The following TENM3 variants were observed in gnomAD, a reference collection of about 807,000 sequenced individuals.
TENM3 encodes teneurin-3.
In TENM3, 63 loss-of-function variants were observed where a neutral mutation model predicts 255.1. That is an observed-to-expected ratio of 0.25 (90% CI 0.20 to 0.30). The LOEUF (loss-of-function observed/expected upper bound fraction) is 0.30, where lower values mean the gene tolerates loss of function less well. Among genes scored for constraint, TENM3 ranks in the 10% least tolerant of loss-of-function variants. The probability of loss-of-function intolerance (pLI) is 1.00; values close to 1 mark genes in which losing one functional copy is unlikely to be tolerated. For synonymous variants in TENM3, 1,306 were observed against 1,322.3 expected (o/e 0.99, Z 0.27); for missense variants, 2,929 against 3,461.1 (o/e 0.85, Z 3.86).
chr4:182,015,079 A>G, the TENM3 span, among the ~76,000 whole-genome samples: 1 of 152,216 alleles, frequency 6.6e-6, no homozygotes. Flanking sequence ...CCTATTTTCA[A>G]AAGTGAATTT....
intron 1 of TENM3, among the ~76,000 whole-genome samples, chr4:182,278,236 G>T (rs113560257): frequency 1.3e-5 from 2 of 151,994 alleles, no homozygotes; most frequent in African/African-American, 4.8e-5. Context: ...GTGTGGTGGC[G>T]CATGCCTGTA....
the TENM3 span, among the ~76,000 whole-genome samples, chr4:181,783,269 G>T: frequency 6.6e-6 from 1 of 152,068 alleles, no homozygotes; most frequent in Non-Finnish European, 1.5e-5. Flanking sequence ...TCTCTTTGTA[G>T]GTCTCTGAGG....
chr4:182,585,373 G>A (rs1745912264), intron 3 of TENM3, among the ~76,000 whole-genome samples: 2 of 152,266 alleles, frequency 1.3e-5, no homozygotes, highest in Admixed American at 1.3e-4. Context: ...TGTTGACGCT[G>A]TAATCCCCTA....
At chr4:181,718,166 G>A in the TENM3 span, among the ~76,000 whole-genome samples, 1 of 152,140 alleles carries the variant, frequency 6.6e-6, no homozygotes, top group African/African-American at 2.4e-5. Flanking sequence ...TTAGTGAGGA[G>A]TATAAAAGAA....
At chr4:182,285,160 C>T (rs1173385400) in intron 1 of TENM3, among the ~76,000 whole-genome samples, 1 of 151,884 alleles carries the variant, frequency 6.6e-6, no homozygotes, top group African/African-American at 2.4e-5. Flanking sequence ...TGCACTTCTC[C>T]CTTGTGGTTT....
the TENM3 span, among the ~76,000 whole-genome samples, chr4:181,505,038 G>A: frequency 6.6e-6 from 1 of 152,112 alleles, no homozygotes; most frequent in Non-Finnish European, 1.5e-5. Context: ...GTGTGGGCCG[G>A]GCAGATGGCA....
intron 3 of TENM3, among the ~76,000 whole-genome samples, chr4:182,369,448 G>T (rs1340842233): frequency 1.3e-5 from 2 of 152,214 alleles, no homozygotes; most frequent in African/African-American, 4.8e-5. Context: ...GACAGTAGTA[G>T]ACTGTAGGTC....
chr4:181,505,600 G>C, the TENM3 span, among the ~76,000 whole-genome samples: 2 of 151,938 alleles, frequency 1.3e-5, no homozygotes, highest in African/African-American at 4.8e-5. Context: ...TTTATTTCTA[G>C]CGAACTTTGT....
the TENM3 span, among the ~76,000 whole-genome samples, chr4:181,811,149 T>G: frequency 6.6e-6 from 1 of 152,212 alleles, no homozygotes. Context: ...CATATGAATA[T>G]GCACTACAGA....
At chr4:181,784,460 T>C in the TENM3 span, among the ~76,000 whole-genome samples, 1 of 152,092 alleles carries the variant, frequency 6.6e-6, no homozygotes, top group African/African-American at 2.4e-5. Flanking sequence ...AGAATTTTAT[T>C]TATAGTTTCT....
intron 7 of TENM3, among the ~76,000 whole-genome samples, chr4:182,673,485 A>G (rs904119285): frequency 1.3e-5 from 2 of 152,358 alleles, no homozygotes; most frequent in African/African-American, 4.8e-5. Context: ...TCATCTGAGC[A>G]CCCAGTAAAA....
intron 3 of TENM3, among the ~76,000 whole-genome samples, chr4:182,428,091 T>C (rs78948933): frequency 0.031 from 4,720 of 152,236 alleles, 240 homozygotes; most frequent in African/African-American, 0.11. Context: ...TTCTTATAAG[T>C]TCAGTTTTGT....
chr4:182,083,596 T>C, the TENM3 span, among the ~76,000 whole-genome samples: 3 of 152,200 alleles, frequency 2.0e-5, no homozygotes, highest in African/African-American at 7.2e-5. Flanking sequence ...CAAAAGATAA[T>C]GTTATGAGAT....
chr4:181,882,772 A>G, the TENM3 span, among the ~76,000 whole-genome samples: 4 of 152,222 alleles, frequency 2.6e-5, no homozygotes, highest in African/African-American at 9.7e-5. Flanking sequence ...ATCTAGTCCA[A>G]CACTTTCTTC....
At chr4:182,364,625 C>G (rs1345652118) in intron 3 of TENM3, among the ~76,000 whole-genome samples, 1 of 152,078 alleles carries the variant, frequency 6.6e-6, no homozygotes, top group Non-Finnish European at 1.5e-5. Flanking sequence ...TTCACCGTGT[C>G]AGCCAGGATG....
chr4:181,709,977 T>C, the TENM3 span, among the ~76,000 whole-genome samples: 2 of 152,122 alleles, frequency 1.3e-5, no homozygotes, highest in South Asian at 2.1e-4. Context: ...GCAGGAAGAA[T>C]CAGTAATTTA....
the TENM3 span, among the ~76,000 whole-genome samples, chr4:182,040,876 G>A: frequency 6.6e-6 from 1 of 152,126 alleles, no homozygotes; most frequent in Non-Finnish European, 1.5e-5. Flanking sequence ...GAGGATCAGG[G>A]AAAGAAGGGG....
Position 182,792,540 on chromosome 4 carries a change from C to T in TENM3, c.5868C>T (p.Leu1956=). The change falls in exon 26 of 28, where the codon CTC becomes CTT. Residue 1956 remains leucine, a synonymous_variant. Coordinates refer to ENST00000511685, the MANE Select transcript of TENM3 (RefSeq NM_001080477.4). This position sits in a 1 kb window ranked among gnomAD's most constrained non-coding sequence, Gnocchi z 6.3. ...TCAAATACAGAAGGCAGACTAGGCT[C>T]TCAGAAATTTTATATGATAGCACAA... ...VLFKYRRQTR[L]SEILYDSTRV... 1 of 1,613,982 alleles carries T rather than the reference C, an allele frequency of 6.2e-7. No homozygotes were observed. The highest frequency in any genetic ancestry group is 8.5e-7 in the Non-Finnish European group (1 of 1,179,894).
At chr4:181,918,446 A>G in the TENM3 span, among the ~76,000 whole-genome samples, 1 of 152,322 alleles carries the variant, frequency 6.6e-6, no homozygotes, top group East Asian at 1.9e-4. Context: ...CTTAGTCTAC[A>G]GGAAGACTAT....
Sources: allele counts gnomAD v4.1 joint callset (sites outside exome capture counted in the v4.1 genomes callset), GRCh38; gene constraint gnomAD v4.1.1; non-coding constraint Gnocchi (gnomAD v3.1); transcripts MANE v1.5; gene names NCBI Gene and HGNC (gene_info 2026-07-23, HGNC 2026-07-21).